Variants in ZNF599 observed in about 807,000 individuals in gnomAD.
The protein encoded by ZNF599 is zinc finger protein 599.
In ZNF599, 10 loss-of-function variants were observed where a neutral mutation model predicts 11.7. The observed-to-expected ratio is 0.86, with a 90% CI of 0.53 to 1.45. The LOEUF (loss-of-function observed/expected upper bound fraction) is 1.45, where lower values mean the gene tolerates loss of function less well. Among genes scored for constraint, ZNF599 ranks in the 40% most tolerant of loss-of-function variants. The pLI is 0.00. For synonymous variants in ZNF599, 232 were observed against 253.2 expected, an observed-to-expected ratio of 0.92 and a Z score of 0.79; for missense variants, 688 against 713.6, an observed-to-expected ratio of 0.96 and a Z score of 0.41.
chr19:34,773,438 G>A (rs1157816576), upstream of ZNF599, among the ~76,000 whole-genome samples: 1 of 152,000 alleles, frequency 6.6e-6, no homozygotes, highest in African/African-American at 2.4e-5. Flanking sequence ...ACAGAGTTCC[G>A]TGGAAATTAT....
chr19:34,799,179 T>C, the ZNF599 span, among the ~76,000 whole-genome samples: 8 of 152,104 alleles, frequency 5.3e-5, no homozygotes, highest in Non-Finnish European at 1.0e-4. Flanking sequence ...ATTTTTGTAT[T>C]TTTTGTAGAG....
the ZNF599 span, among the ~76,000 whole-genome samples, chr19:34,782,665 G>C: frequency 2.0e-5 from 3 of 152,236 alleles, no homozygotes; most frequent in Admixed American, 2.0e-4. Flanking sequence ...CTCCAGCTGT[G>C]AGGACAGAGC....
upstream of ZNF599, among the ~76,000 whole-genome samples, chr19:34,774,416 G>C (rs2069206641): frequency 6.6e-6 from 1 of 152,160 alleles, no homozygotes; most frequent in Non-Finnish European, 1.5e-5. Flanking sequence ...ACCCAAACCT[G>C]TAGCCCACAT....
rs746320912 is a variant in ZNF599 at position 34,760,041 on chromosome 19, G to GC, written c.759_760insG (p.Pro254AlafsTer6). ...TTCCCACACTCAATACACTTGTATG[G>GC]TTTTTCCCCAGTATGAAGCCTCATA... On this transcript the variant is annotated frameshift_variant, in exon 4 of 4. Transcript: ENST00000329285. LOFTEE classifies it low-confidence loss of function (END_TRUNC). The GC allele has an allele frequency of 2.0e-5, 32 of 1,614,078 alleles. No individual in the cohort carries two copies. The highest frequency in any genetic ancestry group is 2.7e-5 in the Non-Finnish European group (32 of 1,180,006).
the ZNF599 span, among the ~76,000 whole-genome samples, chr19:34,778,921 A>T: frequency 6.6e-6 from 1 of 152,260 alleles, no homozygotes; most frequent in South Asian, 2.1e-4. Flanking sequence ...TGGCAAAAAA[A>T]CATACAAAAT....
chr19:34,802,779 G>C, the ZNF599 span, among the ~76,000 whole-genome samples: 2 of 152,118 alleles, frequency 1.3e-5, no homozygotes, highest in African/African-American at 4.8e-5. Flanking sequence ...ACTTAATAGG[G>C]CCAGGACCCC....
chr19:34,768,708 G>C (rs926331457), intron 2 of ZNF599, among the ~76,000 whole-genome samples: 1 of 152,200 alleles, frequency 6.6e-6, no homozygotes, highest in Non-Finnish European at 1.5e-5. Context: ...CCTGCTGCCT[G>C]CTTGAGGCTA....
rs766055182 is a variant in ZNF599, at chr19:34,759,529, CT to C, written c.1271del (p.Glu424GlyfsTer15). 2.5e-6 allele frequency: 4 copies of C among 1,613,170 alleles called. No homozygotes were observed. In the African/African-American group the frequency reaches 5.4e-5, roughly 22 times the overall value. Reference sequence around the variant, plus strand: ...AAAAGGCCTTCCCACATTCTTTGCACTCAAAGGGCTTCTCTCCGGTATGGGT... The same window carrying C: ...AAAAGGCCTTCCCACATTCTTTGCACCAAAGGGCTTCTCTCCGGTATGGGT... ...KRTHTGEKPF[E>X]CKECGKAFCD... On this transcript the variant is annotated frameshift_variant, in exon 4 of 4. Coordinates refer to ENST00000329285, the MANE Select transcript of ZNF599 (RefSeq NM_001007248.3). LOFTEE classifies it low-confidence loss of function (END_TRUNC).
Position 34,767,309 on chromosome 19 carries a change from C to A in ZNF599, c.241+7G>T. On this transcript the variant is annotated splice_region_variant and intron_variant, in intron 3 of 3. Transcript: ENST00000329285. ...TGATACCCGCTGCCAGACTCTCAGT[C>A]ACCAACCTGCGCAGGTGCTTTGGGA... The A allele has an allele frequency of 1.9e-6, 3 of 1,613,408 alleles. No individual in the cohort carries two copies. The highest frequency in any genetic ancestry group is 2.5e-6 in the Non-Finnish European group (3 of 1,179,392).
upstream of ZNF599, among the ~76,000 whole-genome samples, chr19:34,773,674 A>G (rs2069201099): frequency 6.6e-6 from 1 of 151,536 alleles, no homozygotes; most frequent in Non-Finnish European, 1.5e-5. Flanking sequence ...GCAAGTTCTT[A>G]GTCCCCACCC....
At chr19:34,792,801 T>C in the ZNF599 span, among the ~76,000 whole-genome samples, 1 of 151,944 alleles carries the variant, frequency 6.6e-6, no homozygotes, top group East Asian at 1.9e-4. Flanking sequence ...AGACGGAGCT[T>C]ACCGTGAGCG....
chr19:34,768,625 A>T (rs1400402833), intron 2 of ZNF599, among the ~76,000 whole-genome samples: 1 of 152,248 alleles, frequency 6.6e-6, no homozygotes, highest in Non-Finnish European at 1.5e-5. Flanking sequence ...CACTTTACAC[A>T]TATTAGTTAC....
In ZNF599 at chr19:34,760,425, T is replaced by C; in HGVS notation, c.376A>G (p.Lys126Glu). The C allele has an allele frequency of 6.2e-7, 1 of 1,614,160 alleles. No individual in the cohort carries two copies. Among genetic ancestry groups the C allele is most frequent in the Non-Finnish European group, 8.5e-7 (1 of 1,180,010 alleles). Residue 126 changes from lysine (K) to glutamate (E), a missense_variant, in exon 4 of 4, where the codon AAG (lysine) becomes GAG (glutamate). Physicochemically the swap from Lys to Glu is moderately conservative, Grantham distance 56. Transcript: ENST00000329285. ...SRLGQARDEE[K>E]LIKIQEGNLR... is the part of the protein sequence containing the mutation. ...TTCCCTTCCTGAATTTTTATTAGCT[T>C]TTCCTCATCTCTAGCTTGCCCCAAC...
intron 1 of ZNF599, among the ~76,000 whole-genome samples, chr19:34,771,366 T>C (rs1224689887): frequency 6.6e-6 from 1 of 152,192 alleles, no homozygotes; most frequent in Non-Finnish European, 1.5e-5. Flanking sequence ...GTTCCTCTTC[T>C]GTAAAGAAAG....
intron 1 of ZNF599, chr19:34,772,487 C>G: frequency 8.3e-7 from 1 of 1,198,912 alleles, no homozygotes; most frequent in Non-Finnish European, 1.0e-6. Context: ...AAAGACAGGA[C>G]CCACGTCACA....
intron 3 of ZNF599, among the ~76,000 whole-genome samples, chr19:34,766,579 A>C (rs1011218785): frequency 1.3e-5 from 2 of 152,264 alleles, no homozygotes; most frequent in African/African-American, 4.8e-5. Flanking sequence ...CGGGTCAGGC[A>C]GTGTGCTAGG....
chr19:34,758,335 A>G lies in ZNF599; in HGVS notation c.*699T>C, dbSNP rs2069084656. ...CACGAGTAACAATTCACTGCATATA[A>G]ATGTACATGTGTACATGTGCACATG... On this transcript the variant is annotated 3_prime_UTR_variant, in exon 4 of 4. Coordinates refer to ENST00000329285, the MANE Select transcript of ZNF599 (RefSeq NM_001007248.3). 1 of 152,172 alleles carries G rather than the reference A, an allele frequency of 6.6e-6. No homozygotes were observed. Among genetic ancestry groups the G allele is most frequent in the African/African-American group, 2.4e-5 (1 of 41,428 alleles). 9.4% of individuals were successfully genotyped at this position (152,172 alleles called of 1,614,324 possible). A position where few individuals can be genotyped will look rare whatever the true frequency, so the allele number is the denominator to read the frequency against.
chr19:34,776,628 A>C (rs2069217691), upstream of ZNF599, among the ~76,000 whole-genome samples: 1 of 152,198 alleles, frequency 6.6e-6, no homozygotes, highest in Non-Finnish European at 1.5e-5. Flanking sequence ...AATTCCTCAC[A>C]TTATTAGTGA....
In ZNF599 at chr19:34,760,139, T is replaced by G. The variant is rs752433886; in HGVS notation, c.662A>C (p.His221Pro). 6.2e-7 allele frequency: 1 copy of G among 1,614,198 alleles called. No individual in the cohort carries two copies. The highest frequency in any genetic ancestry group is 8.5e-7 in the Non-Finnish European group (1 of 1,180,036). The stretch of plus-strand genomic sequence containing the variant: ...GCACTCATAGGGCTTCACTCCAGCA[T>G]GAATCTGTTGATGCCGAACAAGGGC... ...KWALVRHQQI[H>P]AGVKPYECNE... Residue 221 changes from histidine to proline, a missense_variant, in exon 4 of 4, where the codon CAT becomes CCT. Coordinates refer to ENST00000329285, the MANE Select transcript of ZNF599 (RefSeq NM_001007248.3).
Sources: gnomAD v4.1 joint callset for allele counts (sites outside exome capture counted in the v4.1 genomes callset) on GRCh38, gnomAD v4.1.1 for gene constraint, MANE v1.5 for transcripts, NCBI Gene and HGNC (gene_info 2026-07-23, HGNC 2026-07-21) for gene names.